RSRC2: variants seen among roughly 807,000 people sequenced by gnomAD.
RSRC2 encodes arginine/serine-rich coiled-coil protein 2.
A neutral mutation model predicts 61.3 loss-of-function variants in RSRC2; 5 were observed. The observed-to-expected ratio is 0.08, with a 90% CI of 0.04 to 0.17. RSRC2 has a LOEUF of 0.17. Among genes scored for constraint, RSRC2 ranks in the 10% least tolerant of loss-of-function variants. The pLI, the probability that RSRC2 is intolerant of heterozygous loss-of-function variation, is 1.00. For missense variants in RSRC2, 381 were observed against 518.8 expected (o/e 0.73, Z 2.58); for synonymous variants, 202 against 166.5 (o/e 1.21, Z -1.64).
At chr12:122,512,576 C>A (rs1022708616) in intron 6 of RSRC2, among the ~76,000 whole-genome samples, 3 of 151,764 alleles carry the variant, frequency 2.0e-5, no homozygotes, top group Non-Finnish European at 2.9e-5. Flanking sequence ...ACTAAAAATA[C>A]AAAAAATTAG....
At chr12:122,516,147 T>C (rs1369082303) in intron 5 of RSRC2, among the ~76,000 whole-genome samples, 1 of 152,182 alleles carries the variant, frequency 6.6e-6, no homozygotes, top group Non-Finnish European at 1.5e-5. Context: ...AAAAACCAAG[T>C]TACTGTATTA....
intron 1 of RSRC2, among the ~76,000 whole-genome samples, chr12:122,525,219 T>TA (rs1042802679): frequency 6.6e-6 from 1 of 151,578 alleles, no homozygotes; most frequent in African/African-American, 2.4e-5. Context: ...ACCAAAAATA[T>TA]AAAAAAATTA....
At chr12:122,511,790 C>T (rs1958531495) in intron 6 of RSRC2, among the ~76,000 whole-genome samples, 1 of 149,398 alleles carries the variant, frequency 6.7e-6, no homozygotes, top group South Asian at 2.1e-4. Flanking sequence ...TAACATGAAA[C>T]ACAAATTCAT....
chr12:122,522,250 T>C lies in RSRC2; in HGVS notation c.56A>G (p.Asp19Gly), dbSNP rs956407496. The change falls in exon 2 of 10, where the codon GAT becomes GGT. Residue 19 changes from aspartate (D) to glycine (G), a missense_variant. Asp to Gly is a moderately conservative substitution (Grantham distance 94). Transcript: ENST00000331738. The part of the protein sequence containing the change: ...DGLAPEKTSP[D>G]RDKKKEQSEV... ...TGACTGCTCTTTTTTCTTATCTCTA[T>C]CTGGTGATGTCTTTTCTGGGGCTAG... 1.2e-6 allele frequency: 2 copies of C among 1,613,950 alleles called. No homozygotes were observed. Among genetic ancestry groups the C allele is most frequent in the Admixed American group, 3.3e-5 (2 of 59,984 alleles).
intron 7 of RSRC2, 137 bp from the exon 8 acceptor site, chr12:122,508,584 T>C (rs1352761867): frequency 1.5e-6 from 1 of 665,306 alleles, no homozygotes; most frequent in African/African-American, 1.8e-5. Context: ...AGGAAATGAC[T>C]GAGTATTAGC....
chr12:122,507,041 T>G, intron 8 of RSRC2, 118 bp from the exon 9 acceptor site: 1 of 680,956 alleles, frequency 1.5e-6, no homozygotes, highest in South Asian at 1.6e-5. Context: ...TCAATCAATG[T>G]AAGTTTAATT....
intron 3 of RSRC2, chr12:122,520,973 C>T (rs1043406380): frequency 4.7e-6 from 1 of 214,288 alleles, no homozygotes; most frequent in African/African-American, 2.3e-5. Context: ...AAAGAGAACT[C>T]CTGTTATCGT....
Position 122,505,693 on chromosome 12 carries a change from G to A in RSRC2, c.1139C>T (p.Ala380Val). 1 of 1,613,206 alleles carries A rather than the reference G, an allele frequency of 6.2e-7. No homozygotes were observed. Among genetic ancestry groups the A allele is most frequent in the Non-Finnish European group, 8.5e-7 (1 of 1,179,492 alleles). The change falls in exon 10 of 10, where the codon GCT (alanine) becomes GTT (valine). Residue 380 changes from alanine to valine, a missense_variant. Ala to Val is a moderately conservative substitution (Grantham distance 64). Transcript: ENST00000331738. Reference protein sequence around the residue: ...KLMGIKSEDEAGCSSVDEESY... With the variant: ...KLMGIKSEDEVGCSSVDEESY... The stretch of plus-strand genomic sequence containing the variant: ...TTCTTCATCAACTGAGCTACATCCA[G>A]CTTCATCTTCACTCTAAAAATCAGA...
intron 6 of RSRC2, chr12:122,514,503 T>A (rs1958763560): frequency 1.4e-6 from 1 of 693,588 alleles, no homozygotes; most frequent in Non-Finnish European, 1.8e-6. Flanking sequence ...TGACCTCAAG[T>A]GATCCGCCCG....
chr12:122,517,246 T>C lies in RSRC2; in HGVS notation c.583A>G (p.Arg195Gly). 6.2e-7 allele frequency: 1 copy of C among 1,614,200 alleles called. No homozygotes were observed. The highest frequency in any genetic ancestry group is 8.5e-7 in the Non-Finnish European group (1 of 1,180,032). ...RHRHRTRSRS[R>G]TRSRSRDRKK... ...ACCTACCGACTCCTACTCCTTGTCC[T>C]ACTCCTGCTTCTAGTCCTATGCCTG... The change falls in exon 5 of 10, where the codon AGG becomes GGG. Residue 195 changes from arginine to glycine, a missense_variant. This residue lies in a region of RSRC2 where 266 missense variants were observed against 270.5 expected (regional missense o/e 0.98). Transcript: ENST00000331738.
chr12:122,526,908 C>T lies in RSRC2; in HGVS notation c.-55G>A. On this transcript the variant is annotated 5_prime_UTR_variant, in exon 1 of 10. Coordinates refer to ENST00000331738, the MANE Select transcript of RSRC2 (RefSeq NM_023012.6). Reference sequence around the variant, plus strand: ...CCTCCACTTGTCGCTTTCAACAGTACCGGCCGCTCCGAAGCTTCGCCTCAG... The same window carrying T: ...CCTCCACTTGTCGCTTTCAACAGTATCGGCCGCTCCGAAGCTTCGCCTCAG... 1 of 1,607,884 alleles carries T rather than the reference C, an allele frequency of 6.2e-7. No individual in the cohort carries two copies. Among genetic ancestry groups the T allele is most frequent in the Non-Finnish European group, 8.5e-7 (1 of 1,174,510 alleles).
At chr12:122,515,310 A>G in intron 5 of RSRC2, 83 bp from the exon 6 acceptor site, 1 of 1,348,160 alleles carries the variant, frequency 7.4e-7, no homozygotes, top group Non-Finnish European at 1.0e-6. Context: ...GTTCAAACAA[A>G]AATCCCAACG....
chr12:122,507,088 C>T, intron 8 of RSRC2, 165 bp from the exon 9 acceptor site: 1 of 652,038 alleles, frequency 1.5e-6, no homozygotes, highest in Non-Finnish European at 2.7e-6. Flanking sequence ...CAAAGAAATA[C>T]AAGCAAGAGG....
intron 3 of RSRC2, 153 bp from the exon 4 acceptor site, chr12:122,519,182 G>A (rs1959143179): frequency 5.0e-6 from 3 of 596,398 alleles, no homozygotes; most frequent in South Asian, 4.7e-5. Context: ...TCACCCAAAT[G>A]TTGCAGATGT....
intron 1 of RSRC2, chr12:122,522,504 A>AT: frequency 2.3e-6 from 1 of 436,324 alleles, no homozygotes; most frequent in Non-Finnish European, 4.0e-6. Flanking sequence ...CAAGACCTAC[A>AT]TATTTAGACT....
intron 5 of RSRC2, 134 bp downstream of exon 5, chr12:122,517,093 G>A (rs1468066005): frequency 9.5e-6 from 12 of 1,269,712 alleles, no homozygotes; most frequent in East Asian, 5.0e-5. Flanking sequence ...CATACGTTAG[G>A]TAATGACTAA....
chr12:122,526,766 A>G, intron 1 of RSRC2, 82 bp downstream of exon 1: 1 of 1,525,154 alleles, frequency 6.6e-7, no homozygotes, highest in Non-Finnish European at 9.1e-7. Flanking sequence ...ATACACACGA[A>G]CAAGGTTCTG....
In RSRC2 at chr12:122,505,473, G is replaced by C; in HGVS notation, c.*54C>G. The C allele has an allele frequency of 6.6e-7, 1 of 1,521,234 alleles. No individual in the cohort carries two copies. Among genetic ancestry groups the C allele is most frequent in the East Asian group, 2.3e-5 (1 of 44,126 alleles). The allele number at this position is 1,521,234 out of a possible 1,614,324, so 94.2% of individuals were successfully genotyped here. A position where few individuals can be genotyped will look rare whatever the true frequency, so the allele number is the denominator to read the frequency against. On this transcript the variant is annotated 3_prime_UTR_variant, in exon 10 of 10. Transcript: ENST00000331738. ...TGCTAGCTGTTTGGTGAACAAGGAC[G>C]TGACATCAGAACAAGAAGTCTATAA...
At chr12:122,511,218 T>C (rs1958483354) in intron 6 of RSRC2, 30 bp from the exon 7 acceptor site, 1 of 1,491,684 alleles carries the variant, frequency 6.7e-7, no homozygotes, top group Non-Finnish European at 9.3e-7. Flanking sequence ...GAATTTAAAA[T>C]AACACAATAT....
Sources: allele counts gnomAD v4.1 joint callset (sites outside exome capture counted in the v4.1 genomes callset), GRCh38; gene constraint gnomAD v4.1.1; regional missense constraint gnomAD v4.1.1; transcripts MANE v1.5; gene names NCBI Gene and HGNC (gene_info 2026-07-23, HGNC 2026-07-21).